The following DLG2 variants were observed in gnomAD, a reference collection of about 807,000 sequenced individuals.
DLG2 encodes discs large MAGUK scaffold protein 2.
A neutral mutation model predicts 132.5 loss-of-function variants in DLG2; 45 were observed. That is an observed-to-expected ratio of 0.34 (90% CI 0.27 to 0.44). The LOEUF (loss-of-function observed/expected upper bound fraction) is 0.44. DLG2 is among the 20% of genes least tolerant of loss of function. The probability of loss-of-function intolerance (pLI) is 1.00; values close to 1 mark genes in which losing one functional copy is unlikely to be tolerated. For synonymous variants in DLG2, 424 were observed against 419.6 expected, an observed-to-expected ratio of 1.01 and a Z score of -0.13; for missense variants, 1,045 against 1,196.9, an observed-to-expected ratio of 0.87 and a Z score of 1.87.
At chr11:83,663,866 C>T (rs565502021) in intron 18 of DLG2, among the ~76,000 whole-genome samples, 2 of 152,318 alleles carry the variant, frequency 1.3e-5, no homozygotes, top group East Asian at 3.9e-4. Context: ...ATCCATCCAT[C>T]CCTACATTCC....
At chr11:83,676,897 C>T (rs972062115) in intron 18 of DLG2, among the ~76,000 whole-genome samples, 7 of 152,092 alleles carry the variant, frequency 4.6e-5, no homozygotes, top group African/African-American at 1.7e-4. Context: ...ATCTCATCAC[C>T]CAGCAGAGCA....
At chr11:85,130,799 G>A (rs932455267) in intron 5 of DLG2, among the ~76,000 whole-genome samples, 2 of 152,110 alleles carry the variant, frequency 1.3e-5, no homozygotes, top group African/African-American at 4.8e-5. Flanking sequence ...TGGCCACTTG[G>A]GGAAAAACAG....
At chr11:84,173,429 C>T (rs987029403) in intron 8 of DLG2, among the ~76,000 whole-genome samples, 5 of 152,186 alleles carry the variant, frequency 3.3e-5, no homozygotes, top group African/African-American at 1.2e-4. Context: ...AACAAATCTC[C>T]TCCCTCACCT....
At chr11:85,156,186 G>A (rs956715977) in intron 4 of DLG2, among the ~76,000 whole-genome samples, 15 of 152,144 alleles carry the variant, frequency 9.9e-5, no homozygotes, top group South Asian at 4.1e-4. Context: ...CTCTGCTCCC[G>A]TAGTTTACAT....
Position 84,399,136 on chromosome 11 carries a change from T to C in DLG2, c.519+135434A>G, listed in dbSNP as rs77018731. On this transcript the variant is annotated intron_variant, in intron 7 of 27. Transcript: ENST00000376104. ...TTAGTCTAAACAAATATCAGAAACT[T>C]CTTAAGACAGATCATCATACAAAAA... is the stretch of plus-strand genomic sequence containing the variant. Among the ~76,000 whole-genome samples the C allele has an allele frequency of 3.6e-3, 546 of 152,248 alleles. 21 individuals carry two copies. In the East Asian group the frequency reaches 0.09, roughly 25 times the overall value.
At chr11:85,586,587 T>A (rs77713243) in intron 3 of DLG2, among the ~76,000 whole-genome samples, 4,778 of 152,326 alleles carry the variant, frequency 0.031, 91 homozygotes, top group Middle Eastern at 0.061. Context: ...CTCATTTGGA[T>A]CTTCTCTCTT....
At chr11:85,435,042 A>T (rs1433308413) in intron 3 of DLG2, among the ~76,000 whole-genome samples, 1 of 152,248 alleles carries the variant, frequency 6.6e-6, no homozygotes, top group Non-Finnish European at 1.5e-5. Flanking sequence ...AATGTAATCC[A>T]TCACATAAAC....
intron 21 of DLG2, among the ~76,000 whole-genome samples, chr11:83,491,288 G>T (rs762391252): frequency 1.9e-4 from 29 of 151,880 alleles, no homozygotes; most frequent in Non-Finnish European, 3.1e-4. Context: ...AAATCCCAAC[G>T]ACTATCACTT....
intron 6 of DLG2, among the ~76,000 whole-genome samples, chr11:84,761,130 G>T (rs2067572518): frequency 6.6e-6 from 1 of 152,336 alleles, no homozygotes; most frequent in East Asian, 1.9e-4. Context: ...AGCTGAAACA[G>T]CTTGGTAACA....
chr11:84,129,420 G>C (rs186783594), intron 9 of DLG2, among the ~76,000 whole-genome samples: 6 of 151,982 alleles, frequency 3.9e-5, no homozygotes, highest in African/African-American at 1.4e-4. Flanking sequence ...TATATAAACT[G>C]TCCAAATGTC....
chr11:85,117,772 A>C (rs904481499), intron 5 of DLG2, among the ~76,000 whole-genome samples: 1 of 152,020 alleles, frequency 6.6e-6, no homozygotes, highest in Admixed American at 6.6e-5. Context: ...ATGTGTTCAG[A>C]ATTTTGACTA....
rs564388737 is a variant in DLG2 at position 84,766,595 on chromosome 11, A to C, written c.358-231864T>G. Among the ~76,000 whole-genome samples the C allele has an allele frequency of 8.5e-5, 13 of 152,216 alleles. 1 individual carries two copies. In the South Asian group the frequency reaches 2.3e-3, roughly 27 times the overall value. ...AATTGTTAAACAAATACGTGGATGA[A>C]GAAATTAACCGACTTACTGGATCAG... On this transcript the variant is annotated intron_variant, in intron 6 of 27. Coordinates refer to ENST00000376104, the MANE Select transcript of DLG2 (RefSeq NM_001142699.3).
chr11:83,802,219 C>G (rs1191305751), intron 17 of DLG2, among the ~76,000 whole-genome samples: 1 of 152,050 alleles, frequency 6.6e-6, no homozygotes, highest in Non-Finnish European at 1.5e-5. Context: ...CTTAAATGTC[C>G]TTGCAAACAT....
At chr11:84,688,716 T>C (rs2057660000) in intron 6 of DLG2, among the ~76,000 whole-genome samples, 1 of 152,144 alleles carries the variant, frequency 6.6e-6, no homozygotes, top group Non-Finnish European at 1.5e-5. Flanking sequence ...TCCTACTCCA[T>C]TTCACTTGGA....
At chr11:85,108,795 A>G (rs934951191) in intron 6 of DLG2, among the ~76,000 whole-genome samples, 2 of 152,112 alleles carry the variant, frequency 1.3e-5, no homozygotes, top group Non-Finnish European at 2.9e-5. Context: ...CAAGTAAATC[A>G]AAGAACAAAC....
intron 6 of DLG2, among the ~76,000 whole-genome samples, chr11:85,037,252 T>G (rs1429522379): frequency 6.6e-6 from 1 of 152,158 alleles, no homozygotes; most frequent in Non-Finnish European, 1.5e-5. Context: ...TCCAGAATCT[T>G]GATGTGGTGG....
At chr11:85,319,400 GC>G (rs1324189003) in intron 3 of DLG2, among the ~76,000 whole-genome samples, 1 of 151,768 alleles carries the variant, frequency 6.6e-6, no homozygotes, top group African/African-American at 2.4e-5. Context: ...TTTAATAGAT[GC>G]CACTTTCCTT....
rs775828270 is a variant in DLG2 at position 84,208,341 on chromosome 11, C to CTT, written c.573+42895_573+42896dup. On this transcript the variant is annotated intron_variant, in intron 8 of 27. Coordinates refer to ENST00000376104, the MANE Select transcript of DLG2 (RefSeq NM_001142699.3). ...GTCACTCATATTGGCTCAGAATAAA[C>CTT]TTTTTTTTTTTTTTTTTTTGGTGAG... Among the ~76,000 whole-genome samples the CTT allele has an allele frequency of 1.5e-3, 180 of 122,752 alleles. 2 individuals are homozygous for CTT. The highest frequency in any genetic ancestry group is 3.1e-3 in the Admixed American group (35 of 11,432). The allele number at this position is 122,752 out of a possible 152,430, so 80.5% of individuals were successfully genotyped here. A position where few individuals can be genotyped will look rare whatever the true frequency, so the allele number is the denominator to read the frequency against.
At chr11:83,852,550 C>A (rs192288733) in intron 16 of DLG2, among the ~76,000 whole-genome samples, 7 of 152,308 alleles carry the variant, frequency 4.6e-5, no homozygotes, top group Middle Eastern at 3.4e-3. Context: ...ATTACTATTA[C>A]TGAAATTCAT....
Sources: gnomAD v4.1 joint callset for allele counts (sites outside exome capture counted in the v4.1 genomes callset) on GRCh38, gnomAD v4.1.1 for gene constraint, MANE v1.5 for transcripts, NCBI Gene and HGNC (gene_info 2026-07-23, HGNC 2026-07-21) for gene names.